The following RBPJ variants were observed in gnomAD, a reference collection of about 807,000 sequenced individuals.
RBPJ encodes the protein recombination signal binding protein for immunoglobulin kappa J region.
A neutral mutation model predicts 67.8 loss-of-function variants in RBPJ; 9 were observed. The observed-to-expected ratio is 0.13, with a 90% CI of 0.08 to 0.23. The LOEUF is 0.23. RBPJ is among the 10% of genes least tolerant of loss of function. The pLI is 1.00. For synonymous variants in RBPJ, 198 were observed against 203.3 expected (o/e 0.97, Z 0.22); for missense variants, 305 against 595.6 (o/e 0.51, Z 5.08).
At chr4:26,157,107 AC>A in the RBPJ span, among the ~76,000 whole-genome samples, 5,687 of 91,028 alleles carry the variant, frequency 0.062, 186 homozygotes, top group African/African-American at 0.081. Context: ...ACAAAAACAA[AC>A]AAACAAACAA....
At chr4:26,325,308 T>C (rs1215573733) in intron 1 of RBPJ, among the ~76,000 whole-genome samples, 1 of 152,212 alleles carries the variant, frequency 6.6e-6, no homozygotes, top group Non-Finnish European at 1.5e-5. Flanking sequence ...ACCACCTTTA[T>C]CCAGCTTCTA....
intron 1 of RBPJ, among the ~76,000 whole-genome samples, chr4:26,234,955 A>G (rs1268550836): frequency 1.3e-5 from 2 of 152,040 alleles, no homozygotes; most frequent in African/African-American, 2.4e-5. Context: ...GCCTCCCAAA[A>G]TGCTGGGATT....
chr4:26,360,291 T>C (rs1163312562), intron 1 of RBPJ, among the ~76,000 whole-genome samples: 1 of 152,214 alleles, frequency 6.6e-6, no homozygotes, highest in Non-Finnish European at 1.5e-5. Flanking sequence ...TTCCTAAATA[T>C]TTTCTTCCAT....
In RBPJ at chr4:26,172,452, C is replaced by T. The variant is rs1356533982; in HGVS notation, c.-167+8838C>T. Reference sequence around the variant, plus strand: ...TGCCACGGGCGATCTAGCAGCAATCCCCTCTGTCTCAGCCCTGAAAAGTCT... The same window carrying T: ...TGCCACGGGCGATCTAGCAGCAATCTCCTCTGTCTCAGCCCTGAAAAGTCT... On this transcript the variant is annotated intron_variant, in intron 1 of 4. Transcript: ENST00000512351. Among the ~76,000 whole-genome samples, 33 of 152,148 alleles carry T rather than the reference C, an allele frequency of 2.2e-4. 1 individual carries two copies. The highest frequency in any genetic ancestry group is 2.0e-3 in the Admixed American group (31 of 15,270).
At chr4:26,334,333 T>C (rs1353104618) in intron 1 of RBPJ, among the ~76,000 whole-genome samples, 6 of 152,090 alleles carry the variant, frequency 3.9e-5, no homozygotes, top group Non-Finnish European at 5.9e-5. Flanking sequence ...TGAGTCACCA[T>C]GCCTGGCCCA....
At position 26,213,078 on chromosome 4, in the gene RBPJ, C is replaced by T. The variant is rs1238399446; in HGVS notation, c.-167+49464C>T. 2.0e-5 allele frequency among the ~76,000 whole-genome samples: 3 copies of T among 152,278 alleles called. No individual in the cohort carries two copies. The East Asian group carries it at 5.8e-4, about 29-fold the overall frequency. Reference sequence around the variant, plus strand: ...CCTTTAAAATGTCCTTTATAATAAACTAGTAAATATAAGTGTTTCCTTGAG... The same window carrying T: ...CCTTTAAAATGTCCTTTATAATAAATTAGTAAATATAAGTGTTTCCTTGAG... On this transcript the variant is annotated intron_variant, in intron 1 of 4. Coordinates refer to the RBPJ transcript ENST00000512351.
chr4:26,230,201 A>G (rs1719228104), intron 1 of RBPJ, among the ~76,000 whole-genome samples: 1 of 152,000 alleles, frequency 6.6e-6, no homozygotes, highest in African/African-American at 2.4e-5. Context: ...AAAAAAAAAA[A>G]AAAGTCATTA....
intron 3 of RBPJ, among the ~76,000 whole-genome samples, chr4:26,407,211 A>T (rs1297685731): frequency 6.6e-6 from 1 of 152,210 alleles, no homozygotes; most frequent in Non-Finnish European, 1.5e-5. Flanking sequence ...TTTGCAAAGG[A>T]AAAGGCTGAA....
chr4:26,385,774 CT>C (rs566748262), intron 1 of RBPJ, among the ~76,000 whole-genome samples: 11 of 149,204 alleles, frequency 7.4e-5, no homozygotes, highest in South Asian at 4.2e-4. Flanking sequence ...TTTTTCTTTT[CT>C]TTTTTTTTAA....
At chr4:26,315,786 T>TC (rs34078062), upstream of RBPJ, among the ~76,000 whole-genome samples, 3 of 151,736 alleles carry the variant, frequency 2.0e-5, no homozygotes, top group Non-Finnish European at 2.9e-5. Flanking sequence ...TTTATAGACC[T>TC]CCCCCCAGGA....
upstream of RBPJ, among the ~76,000 whole-genome samples, chr4:26,315,194 GTA>G (rs1440332911): frequency 1.2e-5 from 1 of 85,138 alleles, no homozygotes; most frequent in South Asian, 3.7e-4. Flanking sequence ...ATATATATAT[GTA>G]TGTATATACT....
chr4:26,169,398 C>A (rs1203499424), intron 1 of RBPJ, among the ~76,000 whole-genome samples: 2 of 152,222 alleles, frequency 1.3e-5, no homozygotes, highest in African/African-American at 2.4e-5. Context: ...TTTTCATGAT[C>A]CACGAATGCT....
intron 1 of RBPJ, among the ~76,000 whole-genome samples, chr4:26,241,641 A>T (rs1260399559): frequency 6.6e-6 from 1 of 151,942 alleles, no homozygotes. Flanking sequence ...CCTCCCAAGT[A>T]GCTGAGACTA....
At chr4:26,394,575 A>G (rs570310830) in intron 2 of RBPJ, among the ~76,000 whole-genome samples, 1 of 152,212 alleles carries the variant, frequency 6.6e-6, no homozygotes, top group African/African-American at 2.4e-5. Flanking sequence ...TTTGTCATTT[A>G]GAGCCTGAAA....
chr4:26,278,424 A>T (rs1020231831), intron 1 of RBPJ, among the ~76,000 whole-genome samples: 1 of 152,194 alleles, frequency 6.6e-6, no homozygotes, highest in Non-Finnish European at 1.5e-5. Context: ...CTGATATCTG[A>T]TAGAAAAAAT....
chr4:26,290,368 TA>T (rs1396143909), intron 1 of RBPJ, among the ~76,000 whole-genome samples: 2 of 144,584 alleles, frequency 1.4e-5, no homozygotes, highest in East Asian at 4.1e-4. Context: ...TGAGCTGTAA[TA>T]ACCCTTTTTG....
At chr4:26,173,497 A>C (rs1211619228) in intron 1 of RBPJ, among the ~76,000 whole-genome samples, 1 of 152,160 alleles carries the variant, frequency 6.6e-6, no homozygotes, top group East Asian at 1.9e-4. Context: ...AGATACAGAC[A>C]AAAAAGGGCA....
intron 1 of RBPJ, among the ~76,000 whole-genome samples, chr4:26,233,298 G>A (rs1214315189): frequency 6.6e-6 from 1 of 152,140 alleles, no homozygotes; most frequent in Non-Finnish European, 1.5e-5. Flanking sequence ...ATTGTTAGAG[G>A]CATTTATACA....
chr4:26,182,730 C>CA (rs1717053834), intron 1 of RBPJ, among the ~76,000 whole-genome samples: 1 of 152,028 alleles, frequency 6.6e-6, no homozygotes, highest in Non-Finnish European at 1.5e-5. Flanking sequence ...AACTCCTCAG[C>CA]TCAAACGATC....
Sources: allele counts gnomAD v4.1 joint callset (sites outside exome capture counted in the v4.1 genomes callset), GRCh38; gene constraint gnomAD v4.1.1; transcripts MANE v1.5; gene names NCBI Gene and HGNC (gene_info 2026-07-23, HGNC 2026-07-21).